DENND4C: variants seen among roughly 807,000 people sequenced by gnomAD.
DENND4C encodes the protein DENN domain-containing protein 4C.
Under a neutral mutation model 203.0 loss-of-function variants are expected in DENND4C, and 108 were observed. That is an observed-to-expected ratio of 0.53 (90% CI 0.46 to 0.62). The LOEUF (loss-of-function observed/expected upper bound fraction) is 0.62. Ranked by LOEUF, DENND4C falls within the 20% of genes least tolerant of loss-of-function variation. The probability of loss-of-function intolerance (pLI) is 0.00; values close to 1 mark genes in which losing one functional copy is unlikely to be tolerated. For synonymous variants in DENND4C, 871 were observed against 792.4 expected, an observed-to-expected ratio of 1.10 and a Z score of -1.67; for missense variants, 2,481 against 2,301.2, an observed-to-expected ratio of 1.08 and a Z score of -1.60.
intron 4 of DENND4C, among the ~76,000 whole-genome samples, chr9:19,290,365 A>G (rs1249655754): frequency 6.6e-6 from 1 of 152,210 alleles, no homozygotes. Context: ...TAACTGAAAT[A>G]GTTGGTAAAT....
chr9:19,287,793 C>T (rs1010673517), intron 3 of DENND4C, among the ~76,000 whole-genome samples: 10 of 151,852 alleles, frequency 6.6e-5, no homozygotes, highest in Admixed American at 2.6e-4. Flanking sequence ...AGTGCAGTGG[C>T]GTGATCTTGG....
chr9:19,297,948 T>C, intron 6 of DENND4C, 108 bp from the exon 7 acceptor site: 1 of 807,726 alleles, frequency 1.2e-6, no homozygotes, highest in Non-Finnish European at 1.9e-6. Context: ...TTTAGATAAA[T>C]GGCCATGTCA....
chr9:19,272,573 C>T (rs58536226), intron 1 of DENND4C, among the ~76,000 whole-genome samples: 4,185 of 151,806 alleles, frequency 0.028, 183 homozygotes, highest in African/African-American at 0.093. Context: ...GTTTTTTCAA[C>T]GCAGGGTCCT....
At chr9:19,283,271 C>T (rs1219162344) in intron 2 of DENND4C, among the ~76,000 whole-genome samples, 4 of 152,118 alleles carry the variant, frequency 2.6e-5, no homozygotes, top group Admixed American at 2.6e-4. Flanking sequence ...CCTTCCATCG[C>T]CACATCTTGT....
Position 19,371,728 on chromosome 9 carries a change from TGACTTTTAAAACATATTTGTTTTATAG to T in DENND4C, c.5676-25_5677del. The T allele has an allele frequency of 8.3e-7, 1 of 1,211,794 alleles. No individual in the cohort carries two copies. 75.1% of individuals were successfully genotyped at this position (1,211,794 alleles called of 1,614,324 possible). ...CTGTGTTTTTATGCTATTTGCCCAT[TGACTTTTAAAACATATTTGTTTTATAG>T]GAGTTTATACAGAGAAATCCTCTTC... On this transcript the variant is annotated splice_acceptor_variant and splice_polypyrimidine_tract_variant and intron_variant, in intron 31 of 32. Coordinates refer to ENST00000434457, the MANE Select transcript of DENND4C (RefSeq NM_001330640.2). LOFTEE classifies it high-confidence loss of function.
Position 19,300,341 on chromosome 9 carries a change from G to A in DENND4C, c.1311+10G>A. 1 of 1,513,788 alleles carries A rather than the reference G, an allele frequency of 6.6e-7. No homozygotes were observed. Among genetic ancestry groups the A allele is most frequent in the South Asian group, 1.3e-5 (1 of 74,136 alleles). 93.8% of individuals were successfully genotyped at this position (1,513,788 alleles called of 1,614,324 possible). On this transcript the variant is annotated intron_variant, in intron 9 of 32. Transcript: ENST00000434457. Reference sequence around the variant, plus strand: ...TGAAGCTGTTGTAGCTGTAAGTATAGAATTTTCCTTTTAGTACAAAATTAC... The same window carrying A: ...TGAAGCTGTTGTAGCTGTAAGTATAAAATTTTCCTTTTAGTACAAAATTAC...
At chr9:19,314,108 C>A (rs1382826705) in intron 10 of DENND4C, among the ~76,000 whole-genome samples, 1 of 151,474 alleles carries the variant, frequency 6.6e-6, no homozygotes, top group African/African-American at 2.4e-5. Flanking sequence ...AAGAATGATA[C>A]AATGGACTTT....
chr9:19,345,052 C>G (rs1213975832), intron 22 of DENND4C, among the ~76,000 whole-genome samples: 4 of 152,180 alleles, frequency 2.6e-5, no homozygotes, highest in Non-Finnish European at 1.5e-5. Flanking sequence ...CCTCCTAATA[C>G]TGTCACACTG....
chr9:19,271,143 T>C (rs754818958), intron 1 of DENND4C, among the ~76,000 whole-genome samples: 20 of 151,578 alleles, frequency 1.3e-4, no homozygotes, highest in African/African-American at 3.1e-4. Context: ...AATTATTTAA[T>C]GCAGTCCTAA....
intron 2 of DENND4C, among the ~76,000 whole-genome samples, chr9:19,282,589 C>T (rs1221557862): frequency 6.9e-6 from 1 of 144,076 alleles, no homozygotes; most frequent in African/African-American, 2.5e-5. Context: ...TGGGGTCTTG[C>T]CTTGTTGCCC....
chr9:19,278,074 CTTTTT>C (rs34167347), intron 2 of DENND4C, among the ~76,000 whole-genome samples: 1 of 120,300 alleles, frequency 8.3e-6, no homozygotes, highest in African/African-American at 3.0e-5. Context: ...CCTTTTTTTT[CTTTTT>C]TTTTTTTTTT....
At chr9:19,339,232 C>T (rs748100481) in intron 20 of DENND4C, among the ~76,000 whole-genome samples, 5 of 152,182 alleles carry the variant, frequency 3.3e-5, no homozygotes, top group African/African-American at 9.7e-5. Context: ...TATATAACCA[C>T]ACTTTGGTTA....
intron 2 of DENND4C, among the ~76,000 whole-genome samples, chr9:19,280,424 C>T (rs1314657967): frequency 6.6e-6 from 1 of 152,182 alleles, no homozygotes; most frequent in Non-Finnish European, 1.5e-5. Context: ...AGGTTACAGG[C>T]ATGAGCCCCT....
At chr9:19,336,608 G>T in intron 19 of DENND4C, 78 bp from the exon 20 acceptor site, 1 of 1,462,690 alleles carries the variant, frequency 6.8e-7, no homozygotes, top group South Asian at 1.4e-5. Context: ...AACTATAAAT[G>T]AACTGTGGGT....
intron 30 of DENND4C, among the ~76,000 whole-genome samples, chr9:19,363,301 G>A (rs1826891883): frequency 6.6e-6 from 1 of 152,076 alleles, no homozygotes; most frequent in South Asian, 2.1e-4. Context: ...GGATCACGAG[G>A]TCAGGAGTTC....
chr9:19,231,520 CTGTTT>C (rs1383047247), intron 1 of DENND4C, among the ~76,000 whole-genome samples: 1 of 151,552 alleles, frequency 6.6e-6, no homozygotes, highest in African/African-American at 2.4e-5. Context: ...GTAACTTTTT[CTGTTT>C]TAAGAATGCT....
Position 19,346,048 on chromosome 9 carries a change from T to G in DENND4C, c.3279T>G (p.Ser1093Arg), listed in dbSNP as rs1322495228. 10 of 1,613,750 alleles carry G rather than the reference T, an allele frequency of 6.2e-6. No homozygotes were observed. The highest frequency in any genetic ancestry group is 8.5e-6 in the Non-Finnish European group (10 of 1,179,980). ...EKRQKHFPER[S>R]CSFSSESRAG... ...GACAAAAGCATTTTCCTGAGAGGAG[T>G]TGTAGTTTTAGTTCTGAAAGTCGAG... Residue 1093 changes from serine (S) to arginine (R), a missense_variant, in exon 23 of 33, where the codon AGT (serine) becomes AGG (arginine). Coordinates refer to ENST00000434457, the MANE Select transcript of DENND4C (RefSeq NM_001330640.2).
intron 1 of DENND4C, among the ~76,000 whole-genome samples, chr9:19,244,888 C>G (rs1489843807): frequency 6.6e-6 from 1 of 152,150 alleles, no homozygotes; most frequent in Non-Finnish European, 1.5e-5. Flanking sequence ...ACCTCCCTTA[C>G]TGGGTTGTTA....
intron 1 of DENND4C, among the ~76,000 whole-genome samples, chr9:19,234,254 C>T (rs894555151): frequency 2.6e-5 from 4 of 151,264 alleles, no homozygotes; most frequent in East Asian, 1.9e-4. Context: ...TTTTTGAGAC[C>T]GAGTCTCGCT....
Sources: allele counts gnomAD v4.1 joint callset (sites outside exome capture counted in the v4.1 genomes callset), GRCh38; gene constraint gnomAD v4.1.1; transcripts MANE v1.5; gene names NCBI Gene and HGNC (gene_info 2026-07-23, HGNC 2026-07-21).